The following ANKRD18A variants were observed in gnomAD, a reference collection of about 807,000 sequenced individuals.
ANKRD18A encodes ankyrin repeat domain 18A.
In ANKRD18A, 72 loss-of-function variants were observed where a neutral mutation model predicts 110.6. The ratio of observed to expected loss-of-function variants is 0.65; its 90% CI spans 0.54 to 0.79. The LOEUF (loss-of-function observed/expected upper bound fraction) is 0.79. ANKRD18A is among the 30% of genes least tolerant of loss of function. The pLI, the probability that ANKRD18A is intolerant of heterozygous loss-of-function variation, is 0.00. For missense variants in ANKRD18A, 934 were observed against 1,163.3 expected (o/e 0.80, Z 2.87); for synonymous variants, 305 against 410.3 (o/e 0.74, Z 3.10).
At chr9:38,579,505 T>C (rs539726969) in intron 12 of ANKRD18A, among the ~76,000 whole-genome samples, 1 of 151,644 alleles carries the variant, frequency 6.6e-6, no homozygotes, top group African/African-American at 2.4e-5. Context: ...AGGCAAAAGA[T>C]CCGATTAGAT....
intron 12 of ANKRD18A, among the ~76,000 whole-genome samples, chr9:38,580,875 C>A (rs993118016): frequency 6.6e-6 from 1 of 151,370 alleles, no homozygotes; most frequent in Non-Finnish European, 1.5e-5. Context: ...TCGAACTCAG[C>A]CCCCAGATTG....
At chr9:38,577,774 A>G in intron 13 of ANKRD18A, 93 bp downstream of exon 13, 1 of 1,369,310 alleles carries the variant, frequency 7.3e-7, no homozygotes, top group Non-Finnish European at 9.6e-7. Flanking sequence ...AGAGAGGCAG[A>G]GGAAACACAA....
intron 6 of ANKRD18A, among the ~76,000 whole-genome samples, chr9:38,605,487 G>T (rs1040357274): frequency 6.6e-6 from 1 of 152,164 alleles, no homozygotes; most frequent in African/African-American, 2.4e-5. Flanking sequence ...ATACAGTTCA[G>T]ATTGTACAAT....
rs995124481 is a variant in ANKRD18A, at chr9:38,578,286, C to A, written c.2248-138G>T. The A allele has an allele frequency of 3.8e-6, 3 of 798,860 alleles. No homozygotes were observed. The African/African-American group carries it at 5.5e-5, about 15-fold the overall frequency. 49.5% of individuals were successfully genotyped at this position (798,860 alleles called of 1,614,324 possible). ...TGTAGTAGATTCTTCAAATGTGAACCCTTAAATTACTCAGAATTTTAAGAA... is the reference window on the plus strand; with the variant it reads ...TGTAGTAGATTCTTCAAATGTGAACACTTAAATTACTCAGAATTTTAAGAA... On this transcript the variant is annotated intron_variant, in intron 12 of 15. Transcript: ENST00000399703.
chr9:38,592,428 CA>C (rs1824691910), intron 10 of ANKRD18A, among the ~76,000 whole-genome samples: 1 of 152,130 alleles, frequency 6.6e-6, no homozygotes, highest in Admixed American at 6.6e-5. Context: ...GATGTAAGGT[CA>C]GTGAGAGAAC....
Position 38,575,648 on chromosome 9 carries a change from T to C in ANKRD18A, c.2792A>G (p.Gln931Arg). The C allele has an allele frequency of 1.9e-6, 3 of 1,551,826 alleles. No individual in the cohort carries two copies. Among genetic ancestry groups the C allele is most frequent in the Non-Finnish European group, 2.6e-6 (3 of 1,146,882 alleles). ...VISTKLFTEK[Q>R]RMKYFLSTLP... ...AGTGCTGAGAAAATATTTCATCCGC[T>C]GTTTCTCCGTAAAGAGCTTGGTGCT... is the stretch of plus-strand genomic sequence containing the variant. Residue 931 changes from glutamine to arginine, a missense_variant, in exon 15 of 16, where the codon CAG (glutamine) becomes CGG (arginine). Physicochemically the swap from Gln to Arg is conservative, Grantham distance 43 (BLOSUM62 1). This residue lies in a region of ANKRD18A where 223 missense variants were observed against 226.7 expected (regional missense o/e 0.98). Coordinates refer to ENST00000399703, the MANE Select transcript of ANKRD18A (RefSeq NM_147195.4).
chr9:38,571,010 A>G (rs1823619163), downstream of ANKRD18A: 37 of 1,198,070 alleles, frequency 3.1e-5, 1 homozygote, highest in South Asian at 8.8e-4. Flanking sequence ...CGACCTAGAG[A>G]CACAGCACAG....
intron 15 of ANKRD18A, chr9:38,573,238 A>T: frequency 1.9e-6 from 1 of 524,128 alleles, no homozygotes; most frequent in Non-Finnish European, 3.0e-6. Flanking sequence ...GTGACTAGAC[A>T]TAACACAAAG....
chr9:38,601,909 G>C (rs991561921), intron 7 of ANKRD18A, among the ~76,000 whole-genome samples: 3 of 151,208 alleles, frequency 2.0e-5, no homozygotes, highest in Non-Finnish European at 2.9e-5. Context: ...CTTAAGCCCA[G>C]GAGTTTCAGT....
At chr9:38,617,774 G>T (rs1210567446) in intron 1 of ANKRD18A, among the ~76,000 whole-genome samples, 4 of 152,084 alleles carry the variant, frequency 2.6e-5, no homozygotes, top group Non-Finnish European at 4.4e-5. Context: ...GTATGGAAGG[G>T]TCCTGAGAGA....
intron 5 of ANKRD18A, among the ~76,000 whole-genome samples, chr9:38,609,449 C>G (rs1189758052): frequency 6.6e-6 from 1 of 152,078 alleles, no homozygotes; most frequent in Non-Finnish European, 1.5e-5. Flanking sequence ...CCACTGCACT[C>G]CAGCCTGGGC....
chr9:38,600,031 G>A (rs1483322261), intron 8 of ANKRD18A, among the ~76,000 whole-genome samples: 1 of 152,130 alleles, frequency 6.6e-6, no homozygotes, highest in African/African-American at 2.4e-5. Context: ...AGAAAAAATA[G>A]AAAATAATTA....
At chr9:38,591,832 G>A (rs1824662577) in intron 10 of ANKRD18A, among the ~76,000 whole-genome samples, 3 of 152,146 alleles carry the variant, frequency 2.0e-5, no homozygotes, top group Non-Finnish European at 4.4e-5. Context: ...GACCAGCAGA[G>A]ACAGGCTGAG....
chr9:38,566,168 T>C, the ANKRD18A span: 1 of 152,274 alleles, frequency 6.6e-6, no homozygotes, highest in Non-Finnish European at 1.5e-5. Context: ...CCTGATCCCA[T>C]GAATCTCTTG....
In ANKRD18A at chr9:38,595,123, C is replaced by G. The variant is rs1376157109; in HGVS notation, c.1854+363G>C. On this transcript the variant is annotated intron_variant, in intron 9 of 15. Transcript: ENST00000399703. ...TGAAATATGATTTTTATTCAAACAG[C>G]TTTGTTGAAATATGATTTATAGAAT... 2.0e-5 allele frequency among the ~76,000 whole-genome samples: 3 copies of G among 152,128 alleles called. No individual in the cohort carries two copies. In the East Asian group the frequency reaches 5.8e-4, roughly 29 times the overall value.
At position 38,615,753 on chromosome 9, in the gene ANKRD18A, C is replaced by T. The variant is rs1825825597; in HGVS notation, c.336G>A (p.Gln112=). The T allele has an allele frequency of 6.2e-7, 1 of 1,613,098 alleles. No individual in the cohort carries two copies. Among genetic ancestry groups the T allele is most frequent in the Non-Finnish European group, 8.5e-7 (1 of 1,179,848 alleles). The part of the protein sequence containing the change: ...RTPLMKAVHS[Q]EEACAIVLLE... The stretch of plus-strand genomic sequence containing the variant: ...GGAGAACGATGGCACAAGCCTCTTC[C>T]TGGCTGTGTACAGCCTATTAGTGTT... The change falls in exon 3 of 16, where the codon CAG becomes CAA. Residue 112 remains glutamine, a synonymous_variant. Transcript: ENST00000399703.
intron 8 of ANKRD18A, 112 bp from the exon 9 acceptor site, chr9:38,596,515 G>A: frequency 1.0e-6 from 1 of 970,426 alleles, no homozygotes; most frequent in Non-Finnish European, 1.4e-6. Flanking sequence ...GTTGCTGTAA[G>A]TGGATATCCA....
downstream of ANKRD18A, among the ~76,000 whole-genome samples, chr9:38,570,154 G>A (rs569392789): frequency 4.6e-5 from 7 of 151,222 alleles, no homozygotes; most frequent in Non-Finnish European, 8.9e-5. Context: ...AAGTCCCCAC[G>A]GACCATGTCT....
At chr9:38,584,740 G>T (rs1486013110) in intron 12 of ANKRD18A, among the ~76,000 whole-genome samples, 8 of 152,098 alleles carry the variant, frequency 5.3e-5, no homozygotes, top group Admixed American at 5.2e-4. Flanking sequence ...TATCAAGTCT[G>T]TAAAATTAAA....
Sources: gnomAD v4.1 joint callset for allele counts (sites outside exome capture counted in the v4.1 genomes callset) on GRCh38, gnomAD v4.1.1 for gene constraint, gnomAD v4.1.1 regional missense constraint, MANE v1.5 for transcripts, NCBI Gene and HGNC (gene_info 2026-07-23, HGNC 2026-07-21) for gene names.